Variants in SPAG16 observed in about 807,000 individuals in gnomAD.
SPAG16 encodes sperm associated antigen 16.
In SPAG16, 86 loss-of-function variants were observed where a neutral mutation model predicts 80.4. The observed-to-expected ratio is 1.07, with a 90% CI of 0.90 to 1.28. SPAG16 has a LOEUF of 1.28. SPAG16 is among the 50% of genes most tolerant of loss of function. The pLI is 0.00. For synonymous variants in SPAG16, 294 were observed against 265.9 expected (o/e 1.11, Z -1.03); for missense variants, 870 against 765.3 (o/e 1.14, Z -1.61).
chr2:214,169,797 G>A (rs2056805704), intron 15 of SPAG16, among the ~76,000 whole-genome samples: 1 of 151,982 alleles, frequency 6.6e-6, no homozygotes, highest in African/African-American at 2.4e-5. Context: ...TTTGAGCCTG[G>A]ATTGTATTGC....
At chr2:213,385,132 T>C (rs919136397) in intron 9 of SPAG16, among the ~76,000 whole-genome samples, 1 of 152,224 alleles carries the variant, frequency 6.6e-6, no homozygotes, top group Admixed American at 6.5e-5. Context: ...ACGTATTCTC[T>C]GGTCATCCGG....
chr2:213,511,813 A>C (rs982740284), intron 10 of SPAG16, among the ~76,000 whole-genome samples: 2 of 152,100 alleles, frequency 1.3e-5, no homozygotes, highest in African/African-American at 2.4e-5. Context: ...ATGTAAAGTC[A>C]TATTATAGAG....
chr2:214,292,039 G>A (rs751114637), intron 15 of SPAG16, among the ~76,000 whole-genome samples: 4 of 152,110 alleles, frequency 2.6e-5, no homozygotes, highest in Non-Finnish European at 5.9e-5. Flanking sequence ...TGAGTGGGAA[G>A]TTTGTTTTTT....
intron 15 of SPAG16, among the ~76,000 whole-genome samples, chr2:214,394,075 T>C (rs978748026): frequency 6.6e-6 from 1 of 152,290 alleles, no homozygotes; most frequent in East Asian, 1.9e-4. Context: ...TGATGGATAG[T>C]GTTGCTTAAT....
At chr2:213,514,582 G>A (rs1303323123) in intron 10 of SPAG16, among the ~76,000 whole-genome samples, 3 of 150,506 alleles carry the variant, frequency 2.0e-5, no homozygotes, top group Non-Finnish European at 3.0e-5. Flanking sequence ...TCGTCATCTA[G>A]CATTAGGTAT....
intron 14 of SPAG16, among the ~76,000 whole-genome samples, chr2:214,144,593 T>C (rs2055538328): frequency 6.6e-6 from 1 of 152,174 alleles, no homozygotes; most frequent in Admixed American, 6.6e-5. Context: ...TTCTCATGTA[T>C]ACATAGTTGA....
chr2:214,304,777 T>C (rs967705188), intron 15 of SPAG16, among the ~76,000 whole-genome samples: 4 of 152,184 alleles, frequency 2.6e-5, no homozygotes, highest in Non-Finnish European at 5.9e-5. Context: ...CAGTTTATCA[T>C]TGATGGGCAT....
intron 10 of SPAG16, among the ~76,000 whole-genome samples, chr2:213,837,691 A>G (rs1238308716): frequency 6.6e-6 from 1 of 152,238 alleles, no homozygotes; most frequent in Non-Finnish European, 1.5e-5. Flanking sequence ...ATCCATAAAT[A>G]TGTTACCTTA....
chr2:213,816,401 A>T (rs1432274199), intron 10 of SPAG16, among the ~76,000 whole-genome samples: 1 of 152,130 alleles, frequency 6.6e-6, no homozygotes, highest in Non-Finnish European at 1.5e-5. Flanking sequence ...TTTTGGTTAA[A>T]ATGCATAGGC....
intron 15 of SPAG16, among the ~76,000 whole-genome samples, chr2:214,167,146 T>C (rs188579572): frequency 2.0e-5 from 3 of 152,304 alleles, no homozygotes; most frequent in Admixed American, 2.0e-4. Context: ...CACTCTACTG[T>C]CAGGGTTAAA....
chr2:214,369,132 A>G (rs939373612), intron 15 of SPAG16, among the ~76,000 whole-genome samples: 1 of 152,074 alleles, frequency 6.6e-6, no homozygotes, highest in African/African-American at 2.4e-5. Flanking sequence ...ACAACTCAGG[A>G]GATTTTAGAA....
chr2:213,848,516 C>T (rs1490558843), intron 10 of SPAG16, among the ~76,000 whole-genome samples: 3 of 152,138 alleles, frequency 2.0e-5, no homozygotes, highest in Non-Finnish European at 4.4e-5. Flanking sequence ...TAATTTTCAC[C>T]TTGGCTGAAT....
At chr2:213,946,338 C>CATGTT (rs2079466821) in intron 12 of SPAG16, among the ~76,000 whole-genome samples, 51 of 152,126 alleles carry the variant, frequency 3.4e-4, no homozygotes, top group African/African-American at 9.4e-4. Flanking sequence ...TGGTCTTGAA[C>CATGTT]TCCTGACCTC....
chr2:213,643,801 C>T (rs551795837), intron 10 of SPAG16, among the ~76,000 whole-genome samples: 12 of 77,960 alleles, frequency 1.5e-4, no homozygotes, highest in South Asian at 9.7e-4. Flanking sequence ...TTTTTTGAGA[C>T]GCAGTTTCAG....
At chr2:213,625,228 G>A (rs1282044727) in intron 10 of SPAG16, among the ~76,000 whole-genome samples, 2 of 152,152 alleles carry the variant, frequency 1.3e-5, no homozygotes. Flanking sequence ...TCAGCTCACA[G>A]TTCTGTGAGC....
intron 13 of SPAG16, among the ~76,000 whole-genome samples, chr2:214,058,275 A>C (rs905613204): frequency 6.6e-6 from 1 of 152,136 alleles, no homozygotes; most frequent in Non-Finnish European, 1.5e-5. Context: ...TAACTTGAAC[A>C]CTTCGAGGCC....
chr2:213,831,996 A>AT (rs1213080207), intron 10 of SPAG16, among the ~76,000 whole-genome samples: 1 of 151,688 alleles, frequency 6.6e-6, no homozygotes, highest in Non-Finnish European at 1.5e-5. Context: ...AATTCTCTTT[A>AT]TTTTTTTAAT....
chr2:213,442,566 T>C (rs554757446), intron 9 of SPAG16, among the ~76,000 whole-genome samples: 4 of 152,176 alleles, frequency 2.6e-5, no homozygotes, highest in East Asian at 3.9e-4. Flanking sequence ...GGCAAAAGAA[T>C]AGACAAATAG....
intron 9 of SPAG16, among the ~76,000 whole-genome samples, chr2:213,435,209 A>G (rs561424668): frequency 6.6e-6 from 1 of 152,352 alleles, no homozygotes; most frequent in East Asian, 1.9e-4. Flanking sequence ...TTATGATACC[A>G]TATCATTAAA....
Sources: gnomAD v4.1 joint callset for allele counts (sites outside exome capture counted in the v4.1 genomes callset) on GRCh38, gnomAD v4.1.1 for gene constraint, MANE v1.5 for transcripts, NCBI Gene and HGNC (gene_info 2026-07-23, HGNC 2026-07-21) for gene names.